The following RAB30 variants were observed in gnomAD, a reference collection of about 807,000 sequenced individuals.
RAB30 encodes the protein ras-related protein Rab-30.
A neutral mutation model predicts 25.1 loss-of-function variants in RAB30; 9 were observed. The ratio of observed to expected loss-of-function variants is 0.36; its 90% CI spans 0.22 to 0.63. The LOEUF is 0.63. RAB30 is among the 20% of genes least tolerant of loss of function. The pLI is 0.69. For missense variants in RAB30, 140 were observed against 243.5 expected (o/e 0.58, Z 2.83); for synonymous variants, 77 against 86.4 (o/e 0.89, Z 0.60).
At chr11:83,032,419 A>C (rs1016154600) in intron 1 of RAB30, among the ~76,000 whole-genome samples, 1 of 152,238 alleles carries the variant, frequency 6.6e-6, no homozygotes, top group Non-Finnish European at 1.5e-5. Context: ...GTATGATTTC[A>C]GGGCAGAGAG....
At chr11:83,064,752 A>G (rs1230620244) in intron 1 of RAB30, among the ~76,000 whole-genome samples, 1 of 152,210 alleles carries the variant, frequency 6.6e-6, no homozygotes, top group Non-Finnish European at 1.5e-5. Context: ...CTGATCATAT[A>G]CCAATATCTA....
intron 1 of RAB30, among the ~76,000 whole-genome samples, chr11:83,065,728 T>A (rs1049876969): frequency 6.6e-5 from 10 of 152,160 alleles, no homozygotes; most frequent in African/African-American, 2.4e-4. Flanking sequence ...TTTAAAAGGA[T>A]AAATAATGTT....
At position 82,978,195 on chromosome 11, in the gene RAB30, TAAAAC is replaced by T. The variant is rs1327333641; in HGVS notation, c.*3965_*3969del. The T allele has an allele frequency of 6.6e-6, 1 of 151,902 alleles. No individual in the cohort carries two copies. Among genetic ancestry groups the T allele is most frequent in the Non-Finnish European group, 1.5e-5 (1 of 67,976 alleles). The allele number at this position is 151,902 out of a possible 1,614,324, so 9.4% of individuals were successfully genotyped here. A position where few individuals can be genotyped will look rare whatever the true frequency, so the allele number is the denominator to read the frequency against. On this transcript the variant is annotated 3_prime_UTR_variant, in exon 5 of 5. Transcript: ENST00000527633. ...GTTGAGAAAAGTAACCAGTTGCAGT[TAAAAC>T]AACAACAACAACAACAAAAAATTTT...
At chr11:82,985,627 T>C (rs751679049) in intron 4 of RAB30, among the ~76,000 whole-genome samples, 5 of 149,702 alleles carry the variant, frequency 3.3e-5, no homozygotes, top group Non-Finnish European at 7.4e-5. Context: ...CAAAAAATTC[T>C]AAGAGAGAAA....
chr11:83,062,895 C>T (rs189782580), intron 1 of RAB30, among the ~76,000 whole-genome samples: 1 of 150,842 alleles, frequency 6.6e-6, no homozygotes, highest in African/African-American at 2.4e-5. Flanking sequence ...CCCAGCTGCT[C>T]GGTAGGCTGA....
chr11:83,003,369 C>T (rs1212239854), intron 1 of RAB30, among the ~76,000 whole-genome samples: 1 of 152,158 alleles, frequency 6.6e-6, no homozygotes, highest in Non-Finnish European at 1.5e-5. Context: ...CTACCCAGAC[C>T]TTCTCTGGGG....
intron 1 of RAB30, among the ~76,000 whole-genome samples, chr11:83,058,433 C>T (rs1457253751): frequency 1.3e-5 from 2 of 152,158 alleles, no homozygotes; most frequent in Admixed American, 6.5e-5. Context: ...AATCTAGAAC[C>T]ATTCCTCAGT....
At chr11:83,038,086 G>C (rs1307674743) in intron 1 of RAB30, among the ~76,000 whole-genome samples, 1 of 152,158 alleles carries the variant, frequency 6.6e-6, no homozygotes, top group African/African-American at 2.4e-5. Flanking sequence ...TGGAGGGTTA[G>C]AGAGAGAATT....
chr11:83,002,774 C>T (rs1387559523), intron 1 of RAB30, among the ~76,000 whole-genome samples: 1 of 152,156 alleles, frequency 6.6e-6, no homozygotes, highest in Non-Finnish European at 1.5e-5. Context: ...CCCTGAGCAA[C>T]AGAGTGGGAC....
chr11:83,062,201 C>T (rs939383069), intron 1 of RAB30, among the ~76,000 whole-genome samples: 4 of 151,956 alleles, frequency 2.6e-5, no homozygotes, highest in Non-Finnish European at 4.4e-5. Context: ...TAGGTCATGT[C>T]GAAAAACAAA....
intron 1 of RAB30, among the ~76,000 whole-genome samples, chr11:83,008,249 C>G (rs925693571): frequency 1.3e-5 from 2 of 152,160 alleles, no homozygotes; most frequent in African/African-American, 4.8e-5. Flanking sequence ...CAGAGGCCTA[C>G]CAGGAACAGA....
At chr11:83,018,653 T>C (rs1001635444) in intron 1 of RAB30, among the ~76,000 whole-genome samples, 1 of 152,264 alleles carries the variant, frequency 6.6e-6, no homozygotes, top group African/African-American at 2.4e-5. Context: ...GTTTGTTTAC[T>C]CTGCTGATAA....
intron 3 of RAB30, among the ~76,000 whole-genome samples, chr11:82,992,545 G>A (rs754704372): frequency 3.9e-5 from 6 of 152,254 alleles, no homozygotes; most frequent in Middle Eastern, 3.4e-3. Context: ...TCAAAGGAAG[G>A]AGAGCATGTA....
chr11:82,988,872 CA>C, intron 3 of RAB30, among the ~76,000 whole-genome samples: 1 of 152,106 alleles, frequency 6.6e-6, no homozygotes, highest in Non-Finnish European at 1.5e-5. Flanking sequence ...CCAGAACCTT[CA>C]GATTAGGCTA....
chr11:83,020,724 GC>G (rs1206476859), intron 1 of RAB30, among the ~76,000 whole-genome samples: 1 of 152,204 alleles, frequency 6.6e-6, no homozygotes, highest in Non-Finnish European at 1.5e-5. Flanking sequence ...ACCCATAAAA[GC>G]CCTGGGCTCA....
At position 82,982,102 on chromosome 11, in the gene RAB30, C is replaced by T; in HGVS notation, c.*63G>A. ...GGGAGCCACAGTCATCGCCAGATCT[C>T]CCCAGCATCTCATGGCCCATCAGGG... On this transcript the variant is annotated 3_prime_UTR_variant, in exon 5 of 5. Transcript: ENST00000527633. 1 of 1,601,194 alleles carries T rather than the reference C, an allele frequency of 6.2e-7. No homozygotes were observed. Among genetic ancestry groups the T allele is most frequent in the Non-Finnish European group, 8.5e-7 (1 of 1,171,362 alleles).
rs78567363 is a variant in RAB30, at chr11:83,008,079, C to T, written c.-8-10755G>A. 7.1e-3 allele frequency among the ~76,000 whole-genome samples: 1,083 copies of T among 152,330 alleles called. 6 individuals are homozygous for T. Among genetic ancestry groups the T allele is most frequent in the Non-Finnish European group, 0.012 (804 of 68,034 alleles). The stretch of plus-strand genomic sequence containing the variant: ...TCTTTCCTCTGCAGAAGCTTCCCTG[C>T]GCCTGCTTGGCTGGACCGGAAGAAC... On this transcript the variant is annotated intron_variant, in intron 1 of 4. Transcript: ENST00000527633.
chr11:82,999,520 T>A (rs1474535369), intron 1 of RAB30, among the ~76,000 whole-genome samples: 3 of 152,206 alleles, frequency 2.0e-5, no homozygotes, highest in Non-Finnish European at 4.4e-5. Flanking sequence ...TGGCTCTTTG[T>A]CACCCAAACT....
intron 1 of RAB30, among the ~76,000 whole-genome samples, chr11:83,008,124 G>T (rs1458528738): frequency 6.6e-6 from 1 of 152,156 alleles, no homozygotes; most frequent in Non-Finnish European, 1.5e-5. Flanking sequence ...AGCTTATTCA[G>T]TCTCCTCCCA....
Sources: allele counts gnomAD v4.1 joint callset (sites outside exome capture counted in the v4.1 genomes callset), GRCh38; gene constraint gnomAD v4.1.1; transcripts MANE v1.5; gene names NCBI Gene and HGNC (gene_info 2026-07-23, HGNC 2026-07-21).